CRACD: variants seen among roughly 807,000 people sequenced by gnomAD.
The protein encoded by CRACD is capping protein-inhibiting regulator of actin dynamics.
Under a neutral mutation model 106.8 loss-of-function variants are expected in CRACD, and 56 were observed. That is an observed-to-expected ratio of 0.52 (90% CI 0.42 to 0.66). The LOEUF (loss-of-function observed/expected upper bound fraction) is 0.66. Ranked by LOEUF, CRACD falls within the 30% of genes least tolerant of loss-of-function variation. CRACD has a pLI of 0.00. For missense variants in CRACD, 1,730 were observed against 1,623.2 expected, an observed-to-expected ratio of 1.07 and a Z score of -1.13; for synonymous variants, 754 against 670.8, an observed-to-expected ratio of 1.12 and a Z score of -1.92.
chr4:56,185,736 A>G (rs190963714), intron 2 of CRACD, among the ~76,000 whole-genome samples: 16 of 152,274 alleles, frequency 1.1e-4, no homozygotes, highest in African/African-American at 3.4e-4. Context: ...CACTTCTACC[A>G]TGGGGCTCAA....
At chr4:56,050,218 T>A (rs1309673940) in intron 1 of CRACD, among the ~76,000 whole-genome samples, 3 of 151,664 alleles carry the variant, frequency 2.0e-5, no homozygotes, top group Non-Finnish European at 4.4e-5. Flanking sequence ...TGTTGTGAAA[T>A]TTTAATATGG....
At chr4:56,252,354 T>C (rs1741105438) in intron 2 of CRACD, among the ~76,000 whole-genome samples, 1 of 151,732 alleles carries the variant, frequency 6.6e-6, no homozygotes. Flanking sequence ...CTACCAGGGA[T>C]TTTTTTTTCC....
At chr4:56,193,758 A>G (rs1039071405) in intron 2 of CRACD, among the ~76,000 whole-genome samples, 4 of 152,218 alleles carry the variant, frequency 2.6e-5, no homozygotes, top group African/African-American at 9.6e-5. Context: ...ACTCAGTCAA[A>G]GAATGCTTAT....
chr4:56,307,615 T>C lies in CRACD; in HGVS notation c.201T>C (p.Ala67=), dbSNP rs751360026. 2 of 1,614,056 alleles carry C rather than the reference T, an allele frequency of 1.2e-6. No homozygotes were observed. Among genetic ancestry groups the C allele is most frequent in the African/African-American group, 1.3e-5 (1 of 74,940 alleles). ...TGAATAAGGCAAACAGTGGAGAGGC[T>C]AGCTTAGAAGAGGATCTGTTCCTGA... is the stretch of plus-strand genomic sequence containing the variant. The part of the protein sequence containing the change: ...IPMNKANSGE[A]SLEEDLFLTS... Residue 67 remains alanine (A), a synonymous_variant, in exon 5 of 11, where the codon GCT becomes GCC. Transcript: ENST00000682029.
At chr4:56,225,709 T>C (rs1739265511) in intron 2 of CRACD, among the ~76,000 whole-genome samples, 1 of 152,234 alleles carries the variant, frequency 6.6e-6, no homozygotes, top group South Asian at 2.1e-4. Flanking sequence ...ACTTCCCTTT[T>C]GTTCATCATT....
At chr4:56,259,631 A>G (rs1339276316) in intron 2 of CRACD, among the ~76,000 whole-genome samples, 4 of 152,200 alleles carry the variant, frequency 2.6e-5, no homozygotes, top group African/African-American at 9.7e-5. Flanking sequence ...TCCCTTTACT[A>G]TCACTCCAGT....
chr4:56,074,037 G>C (rs112464974), intron 1 of CRACD, among the ~76,000 whole-genome samples: 54,157 of 151,718 alleles, frequency 0.36, 10,199 homozygotes, highest in African/African-American at 0.48. Flanking sequence ...ATTTCTGAGG[G>C]CTCTGTTCTG....
intron 1 of CRACD, among the ~76,000 whole-genome samples, chr4:56,164,727 T>C (rs1394092307): frequency 2.0e-5 from 3 of 152,130 alleles, no homozygotes; most frequent in African/African-American, 7.2e-5. Context: ...TATACCTTGA[T>C]TGCAGTGTGG....
intron 1 of CRACD, among the ~76,000 whole-genome samples, chr4:56,158,269 T>C (rs1357530282): frequency 6.6e-6 from 1 of 152,230 alleles, no homozygotes; most frequent in African/African-American, 2.4e-5. Context: ...AATGTTCAGA[T>C]CATGCAGGGG....
chr4:56,224,551 G>A (rs1256380460), intron 2 of CRACD, among the ~76,000 whole-genome samples: 1 of 152,084 alleles, frequency 6.6e-6, no homozygotes. Flanking sequence ...ACCACAGGGA[G>A]GTACCTACCA....
At chr4:56,081,557 G>T (rs1053018669) in intron 1 of CRACD, among the ~76,000 whole-genome samples, 5 of 152,304 alleles carry the variant, frequency 3.3e-5, no homozygotes, top group South Asian at 2.1e-4. Context: ...AATTATCATT[G>T]TAGGATACAT....
intron 4 of CRACD, among the ~76,000 whole-genome samples, chr4:56,306,447 A>G (rs1198526145): frequency 6.6e-6 from 1 of 152,128 alleles, no homozygotes; most frequent in Non-Finnish European, 1.5e-5. Context: ...TGGGAATTCA[A>G]GGTTGCAATG....
intron 2 of CRACD, among the ~76,000 whole-genome samples, chr4:56,190,317 T>C (rs931927043): frequency 6.6e-6 from 1 of 152,098 alleles, no homozygotes; most frequent in Non-Finnish European, 1.5e-5. Flanking sequence ...TGATTTATAG[T>C]CCTTTGGGTA....
chr4:56,114,650 G>A (rs555275251), intron 1 of CRACD, among the ~76,000 whole-genome samples: 77 of 151,946 alleles, frequency 5.1e-4, no homozygotes, highest in African/African-American at 1.8e-3. Flanking sequence ...ACTCATTAGA[G>A]GTGCATAATC....
chr4:56,214,673 C>A (rs1474470545), intron 2 of CRACD, among the ~76,000 whole-genome samples: 5 of 72,950 alleles, frequency 6.9e-5, no homozygotes, highest in African/African-American at 1.5e-4. Context: ...CTCTCTCTCT[C>A]TCTCTCTCTA....
intron 4 of CRACD, among the ~76,000 whole-genome samples, chr4:56,303,206 G>A (rs1207893390): frequency 2.6e-5 from 4 of 152,108 alleles, no homozygotes; most frequent in South Asian, 2.1e-4. Context: ...TTAGCAGGAC[G>A]TGCAGGCATG....
intron 1 of CRACD, among the ~76,000 whole-genome samples, chr4:56,095,661 G>C (rs1733576355): frequency 1.3e-5 from 2 of 152,158 alleles, no homozygotes; most frequent in Non-Finnish European, 1.5e-5. Flanking sequence ...GGTAGAAGAT[G>C]AGGTAACCTG....
chr4:56,193,945 ACT>A (rs1737491520), intron 2 of CRACD, among the ~76,000 whole-genome samples: 1 of 152,132 alleles, frequency 6.6e-6, no homozygotes, highest in African/African-American at 2.4e-5. Context: ...CTTTGTGGGC[ACT>A]CAGTGAGTAG....
intron 1 of CRACD, among the ~76,000 whole-genome samples, chr4:56,084,626 A>G (rs904532487): frequency 6.6e-6 from 1 of 152,216 alleles, no homozygotes; most frequent in Non-Finnish European, 1.5e-5. Flanking sequence ...GCACTGAGCT[A>G]TGTCTGATGA....
Sources: allele counts gnomAD v4.1 joint callset (sites outside exome capture counted in the v4.1 genomes callset), GRCh38; gene constraint gnomAD v4.1.1; transcripts MANE v1.5; gene names NCBI Gene and HGNC (gene_info 2026-07-23, HGNC 2026-07-21).